Variants in ENOX1 observed in about 807,000 individuals in gnomAD.
ENOX1 encodes the protein candidate growth-related and time keeping constitutive hydroquinone (NADH) oxidase.
Under a neutral mutation model 82.5 loss-of-function variants are expected in ENOX1, and 42 were observed. The ratio of observed to expected loss-of-function variants is 0.51; its 90% confidence interval spans 0.40 to 0.66. The LOEUF (loss-of-function observed/expected upper bound fraction) is 0.66. Ranked by LOEUF, ENOX1 falls within the 30% of genes least tolerant of loss-of-function variation. ENOX1 has a pLI of 0.00. For missense variants in ENOX1, 608 were observed against 811.6 expected (o/e 0.75, Z 3.05); for synonymous variants, 271 against 282.2 (o/e 0.96, Z 0.40).
At chr13:43,260,958 A>C (rs907752352) in intron 14 of ENOX1, among the ~76,000 whole-genome samples, 1 of 152,234 alleles carries the variant, frequency 6.6e-6, no homozygotes, top group Admixed American at 6.5e-5. Flanking sequence ...AACAACCAGC[A>C]GGCATGAGCG....
chr13:43,570,781 A>C (rs1291455169), intron 2 of ENOX1, among the ~76,000 whole-genome samples: 1 of 152,154 alleles, frequency 6.6e-6, no homozygotes, highest in Non-Finnish European at 1.5e-5. Flanking sequence ...GGAGGGGAAG[A>C]GGGATGGAAA....
chr13:43,679,720 T>C (rs1037738787), intron 1 of ENOX1, among the ~76,000 whole-genome samples: 1 of 152,196 alleles, frequency 6.6e-6, no homozygotes, highest in South Asian at 2.1e-4. Context: ...AAGCTCCAGA[T>C]GATAGAACTG....
chr13:43,354,266 C>T (rs1463499009), intron 8 of ENOX1, among the ~76,000 whole-genome samples: 2 of 152,134 alleles, frequency 1.3e-5, no homozygotes, highest in Admixed American at 6.5e-5. Flanking sequence ...CTGCATATGC[C>T]CTTTATTAAA....
intron 12 of ENOX1, among the ~76,000 whole-genome samples, chr13:43,282,030 C>T (rs987182702): frequency 1.3e-5 from 2 of 152,088 alleles, no homozygotes; most frequent in African/African-American, 4.8e-5. Flanking sequence ...CTGGGGATAA[C>T]CTTTAACAGG....
intron 12 of ENOX1, among the ~76,000 whole-genome samples, chr13:43,296,902 C>T (rs767913703): frequency 1.3e-5 from 2 of 152,246 alleles, no homozygotes; most frequent in South Asian, 2.1e-4. Context: ...TTGGGGAAAT[C>T]GACGGCCTCT....
intron 2 of ENOX1, among the ~76,000 whole-genome samples, chr13:43,566,517 A>G (rs567601870): frequency 3.5e-4 from 54 of 152,244 alleles, no homozygotes; most frequent in African/African-American, 1.3e-3. Context: ...TTTGGAATAT[A>G]CAAATTGTTA....
chr13:43,493,761 C>A (rs1379172679), intron 2 of ENOX1, among the ~76,000 whole-genome samples: 1 of 152,180 alleles, frequency 6.6e-6, no homozygotes, highest in Non-Finnish European at 1.5e-5. Context: ...AGCTCAGTGC[C>A]TACTGAAGCA....
chr13:43,452,534 T>C (rs1419413518), intron 3 of ENOX1, among the ~76,000 whole-genome samples: 1 of 152,172 alleles, frequency 6.6e-6, no homozygotes, highest in African/African-American at 2.4e-5. Context: ...ATCTAACTAT[T>C]TATTTTGAGA....
At chr13:43,761,354 G>C (rs2153835484) in intron 1 of ENOX1, among the ~76,000 whole-genome samples, 1 of 152,302 alleles carries the variant, frequency 6.6e-6, no homozygotes, top group East Asian at 1.9e-4. Flanking sequence ...ATACCCTCAT[G>C]TTTCTAAATT....
intron 15 of ENOX1, among the ~76,000 whole-genome samples, chr13:43,233,924 A>C (rs1278422845): frequency 5.3e-5 from 8 of 152,158 alleles, no homozygotes; most frequent in African/African-American, 1.9e-4. Context: ...AAGAGTATTT[A>C]TGACTGCTCC....
intron 11 of ENOX1, among the ~76,000 whole-genome samples, chr13:43,300,874 ACCT>A (rs1170703272): frequency 0.016 from 2,478 of 152,276 alleles, 52 homozygotes; most frequent in African/African-American, 0.055. Context: ...GTTTTCAGAG[ACCT>A]ACTCATAAAA....
At chr13:43,417,261 G>GGGAGAGGGAGAGGGAGAA (rs1566170587) in intron 3 of ENOX1, among the ~76,000 whole-genome samples, 1 of 150,512 alleles carries the variant, frequency 6.6e-6, no homozygotes, top group Non-Finnish European at 1.5e-5. Context: ...GAGAGGGAGA[G>GGGAGAGGGAGAGGGAGAA]GGAGAGGGCC....
chr13:43,506,691 A>G lies in ENOX1; in HGVS notation c.-218-22539T>C, dbSNP rs1416511466. Reference sequence around the variant, plus strand: ...ATGAGTTCATGTCCTTTGTAGGGACATGGATGAAGCTGGAAACCATCATTC... The same window carrying G: ...ATGAGTTCATGTCCTTTGTAGGGACGTGGATGAAGCTGGAAACCATCATTC... On this transcript the variant is annotated intron_variant, in intron 2 of 16. Coordinates refer to ENST00000690772, the MANE Select transcript of ENOX1 (RefSeq NM_001347969.2). Among the ~76,000 whole-genome samples, 18 of 134,794 alleles carry G rather than the reference A, an allele frequency of 1.3e-4. 4 individuals carry two copies. The highest frequency in any genetic ancestry group is 3.7e-4 in the African/African-American group (14 of 37,772). 88.4% of individuals were successfully genotyped at this position (134,794 alleles called of 152,430 possible). A position where few individuals can be genotyped will look rare whatever the true frequency, so the allele number is the denominator to read the frequency against.
intron 14 of ENOX1, among the ~76,000 whole-genome samples, chr13:43,256,703 C>T (rs1338907766): frequency 6.6e-6 from 1 of 152,152 alleles, no homozygotes; most frequent in African/African-American, 2.4e-5. Context: ...CCCTAGCACG[C>T]TGTTAGTGGG....
At chr13:43,505,578 C>G (rs1483551546) in intron 2 of ENOX1, among the ~76,000 whole-genome samples, 2 of 151,998 alleles carry the variant, frequency 1.3e-5, no homozygotes, top group Non-Finnish European at 2.9e-5. Context: ...TGTTTATATC[C>G]TTCGCCCACT....
At chr13:43,630,874 CAT>C (rs375643872) in intron 2 of ENOX1, among the ~76,000 whole-genome samples, 15 of 144,662 alleles carry the variant, frequency 1.0e-4, no homozygotes, top group Non-Finnish European at 1.9e-4. Context: ...CACACACACA[CAT>C]ATATATACAC....
At chr13:43,654,555 T>C (rs866261751) in intron 2 of ENOX1, among the ~76,000 whole-genome samples, 29 of 152,342 alleles carry the variant, frequency 1.9e-4, no homozygotes, top group Middle Eastern at 3.4e-3. Flanking sequence ...GATGGGTAAG[T>C]GCTGGTTGAT....
At position 43,350,762 on chromosome 13, in the gene ENOX1, G is replaced by A. The variant is rs929771581; in HGVS notation, c.823+5157C>T. On this transcript the variant is annotated intron_variant, in intron 8 of 16. Transcript: ENST00000690772. ...GCCCGGCTGGTGTTTTTTTCCTCCC[G>A]CTTTGTGTGCACAGGGAGAAGCAGC... 3.9e-5 allele frequency among the ~76,000 whole-genome samples: 6 copies of A among 152,022 alleles called. No individual in the cohort carries two copies. In the East Asian group the frequency reaches 5.8e-4, roughly 15 times the overall value.
chr13:43,273,762 A>C (rs911625055), intron 12 of ENOX1, among the ~76,000 whole-genome samples: 3 of 152,190 alleles, frequency 2.0e-5, no homozygotes, highest in South Asian at 2.1e-4. Context: ...GCTCCAAAAA[A>C]ATATTCTCTA....
Sources: gnomAD v4.1 joint callset for allele counts (sites outside exome capture counted in the v4.1 genomes callset) on GRCh38, gnomAD v4.1.1 for gene constraint, MANE v1.5 for transcripts, NCBI Gene and HGNC (gene_info 2026-07-23, HGNC 2026-07-21) for gene names.